ITPRID1: variants seen among roughly 807,000 people sequenced by gnomAD.
ITPRID1 encodes ITPR interacting domain containing 1.
In ITPRID1, 96 loss-of-function variants were observed where a neutral mutation model predicts 95.4. That is an observed-to-expected ratio of 1.01 (90% CI 0.85 to 1.19). The LOEUF (loss-of-function observed/expected upper bound fraction) is 1.19. ITPRID1 is among the 50% of genes most tolerant of loss of function. The pLI, the probability that ITPRID1 is intolerant of heterozygous loss-of-function variation, is 0.00. For missense variants in ITPRID1, 1,339 were observed against 1,252.9 expected (o/e 1.07, Z -1.04); for synonymous variants, 510 against 453.6 (o/e 1.12, Z -1.58).
In ITPRID1 at chr7:31,578,064, G is replaced by T. The variant is rs370395768; in HGVS notation, c.800G>T (p.Arg267Leu). The change falls in exon 9 of 15, where the codon CGG becomes CTG. Residue 267 changes from arginine (R) to leucine (L), a missense_variant. Transcript: ENST00000615280. ...LRRASKQNIR[R>L]DCNPEVSESF... ...AGAGCTTCCAAACAGAACATCAGGC[G>T]GGATTGTAACCCAGAGGTATCAGAG... The T allele has an allele frequency of 6.2e-7, 1 of 1,613,826 alleles. No individual in the cohort carries two copies. Among genetic ancestry groups the T allele is most frequent in the South Asian group, 1.1e-5 (1 of 91,068 alleles).
At chr7:31,547,333 A>C (rs1784131328) in intron 1 of ITPRID1, among the ~76,000 whole-genome samples, 1 of 152,282 alleles carries the variant, frequency 6.6e-6, no homozygotes, top group Non-Finnish European at 1.5e-5. Flanking sequence ...TAAAGGAAAG[A>C]GGTTTAATTG....
chr7:31,593,021 C>T (rs970709667), intron 10 of ITPRID1, among the ~76,000 whole-genome samples: 4 of 152,064 alleles, frequency 2.6e-5, no homozygotes, highest in East Asian at 1.9e-4. Flanking sequence ...AATTAACAAT[C>T]GCGCTGGGCA....
chr7:31,647,321 G>T (rs1476285566), intron 12 of ITPRID1, among the ~76,000 whole-genome samples: 1 of 152,118 alleles, frequency 6.6e-6, no homozygotes, highest in Non-Finnish European at 1.5e-5. Context: ...ACAGGACATA[G>T]CTCTTGGACC....
chr7:31,577,412 C>A (rs1046769076), intron 8 of ITPRID1, among the ~76,000 whole-genome samples: 6 of 152,164 alleles, frequency 3.9e-5, no homozygotes, highest in African/African-American at 1.4e-4. Context: ...GATCTTTCCA[C>A]ACTATCAGGT....
chr7:31,628,918 C>G (rs961503343), intron 10 of ITPRID1, among the ~76,000 whole-genome samples: 12 of 152,148 alleles, frequency 7.9e-5, no homozygotes, highest in African/African-American at 2.9e-4. Context: ...TGTTTCCTCC[C>G]AGCTAGCTTC....
At chr7:31,598,858 A>G (rs1786221091) in intron 10 of ITPRID1, among the ~76,000 whole-genome samples, 1 of 152,224 alleles carries the variant, frequency 6.6e-6, no homozygotes, top group African/African-American at 2.4e-5. Flanking sequence ...AGTTTAAATG[A>G]TAAGACGCTA....
At chr7:31,614,596 C>G (rs1018344213) in intron 10 of ITPRID1, among the ~76,000 whole-genome samples, 2 of 152,090 alleles carry the variant, frequency 1.3e-5, no homozygotes, top group Admixed American at 1.3e-4. Flanking sequence ...AGAACAGTTC[C>G]TGGTACGTAT....
chr7:31,642,159 C>A lies in ITPRID1; in HGVS notation c.1229-17C>A, dbSNP rs567955701. 49 of 1,546,298 alleles carry A rather than the reference C, an allele frequency of 3.2e-5. No individual in the cohort carries two copies. Among genetic ancestry groups the A allele is most frequent in the Non-Finnish European group, 4.0e-5 (46 of 1,143,208 alleles). On this transcript the variant is annotated splice_polypyrimidine_tract_variant and intron_variant, in intron 10 of 14. Transcript: ENST00000615280. ...TGTTTTCCCTTTAATAACCTCAAGACCTCTTTCATTCTGCAGGTGCCAGGG... is the reference window on the plus strand; with the variant it reads ...TGTTTTCCCTTTAATAACCTCAAGAACTCTTTCATTCTGCAGGTGCCAGGG...
At chr7:31,598,020 A>G (rs999199780) in intron 10 of ITPRID1, among the ~76,000 whole-genome samples, 1 of 152,236 alleles carries the variant, frequency 6.6e-6, no homozygotes, top group Non-Finnish European at 1.5e-5. Context: ...GAGAAAGGAT[A>G]AACATAACTG....
rs67930674 is a variant in ITPRID1, at chr7:31,572,144, G to T, written c.351G>T (p.Gly117=). 695,535 of 1,607,048 alleles carry T rather than the reference G, an allele frequency of 0.43. 152,663 individuals are homozygous for T. The highest frequency in any genetic ancestry group is 0.53 in the Admixed American group (31,662 of 59,748). ...QFSETPILSR[G]TSFNSCYSTA... is the part of the protein sequence containing the mutation. ...CAGAAACTCCCATCCTATCCAGAGG[G>T]ACCAGTTTCAACTCTTGCTATTCTA... Residue 117 remains glycine (G), a synonymous_variant, in exon 7 of 15, where the codon GGG becomes GGT. Coordinates refer to ENST00000615280, the MANE Select transcript of ITPRID1 (RefSeq NM_001257967.3).
intron 10 of ITPRID1, among the ~76,000 whole-genome samples, chr7:31,584,889 T>C (rs1018595872): frequency 1.3e-5 from 2 of 152,240 alleles, no homozygotes; most frequent in African/African-American, 2.4e-5. Flanking sequence ...CAAAATATTA[T>C]AGCAGCAGTG....
chr7:31,652,432 A>G, intron 14 of ITPRID1, 86 bp from the exon 15 acceptor site: 1 of 1,486,652 alleles, frequency 6.7e-7, no homozygotes, highest in South Asian at 1.4e-5. Flanking sequence ...CGACCACCTC[A>G]TAATGCCTAG....
chr7:31,524,226 G>T (rs1783355268), intron 1 of ITPRID1, among the ~76,000 whole-genome samples: 1 of 152,210 alleles, frequency 6.6e-6, no homozygotes, highest in Non-Finnish European at 1.5e-5. Context: ...GGTTGGTAGA[G>T]AAAGGGGGAA....
intron 10 of ITPRID1, among the ~76,000 whole-genome samples, chr7:31,622,207 G>C (rs1478206445): frequency 7.0e-6 from 1 of 141,922 alleles, no homozygotes; most frequent in Non-Finnish European, 1.5e-5. Context: ...GAGAGAGAAA[G>C]TCAACAAGGA....
chr7:31,524,768 A>C (rs1783371780), intron 1 of ITPRID1, among the ~76,000 whole-genome samples: 1 of 152,126 alleles, frequency 6.6e-6, no homozygotes. Flanking sequence ...CTGTTATCTT[A>C]GTTTATTTTA....
chr7:31,649,758 G>A (rs914304032), intron 12 of ITPRID1, among the ~76,000 whole-genome samples: 4 of 152,132 alleles, frequency 2.6e-5, no homozygotes, highest in Non-Finnish European at 5.9e-5. Flanking sequence ...CAAAACAAAG[G>A]GGATAGCTGG....
chr7:31,620,514 C>T (rs1211312885), intron 10 of ITPRID1, among the ~76,000 whole-genome samples: 4 of 151,210 alleles, frequency 2.6e-5, no homozygotes, highest in African/African-American at 7.3e-5. Flanking sequence ...TGGAGTGGAC[C>T]TCTAGCAAAC....
chr7:31,605,432 A>G (rs1446075793), intron 10 of ITPRID1, among the ~76,000 whole-genome samples: 5 of 152,192 alleles, frequency 3.3e-5, no homozygotes, highest in Non-Finnish European at 7.3e-5. Context: ...GCCATTCACT[A>G]AGGAGTTTGT....
chr7:31,580,272 T>A (rs1244986532), intron 9 of ITPRID1, among the ~76,000 whole-genome samples: 1 of 126,696 alleles, frequency 7.9e-6, no homozygotes, highest in Non-Finnish European at 1.6e-5. Flanking sequence ...CTCTCCAGCC[T>A]AGACAACAAG....
Sources: gnomAD v4.1 joint callset for allele counts (sites outside exome capture counted in the v4.1 genomes callset) on GRCh38, gnomAD v4.1.1 for gene constraint, MANE v1.5 for transcripts, NCBI Gene and HGNC (gene_info 2026-07-23, HGNC 2026-07-21) for gene names.